The following RALGDS variants were observed in gnomAD, a reference collection of about 807,000 sequenced individuals.
RALGDS encodes ral guanine nucleotide exchange factor.
RALGDS carries 44 observed loss-of-function variants against 99.8 expected under a neutral mutation model. The ratio of observed to expected loss-of-function variants is 0.44; its 90% confidence interval spans 0.35 to 0.57. The LOEUF is 0.57. RALGDS is among the 20% of genes least tolerant of loss of function. The pLI, the probability that RALGDS is intolerant of heterozygous loss-of-function variation, is 0.01. For synonymous variants in RALGDS, 529 were observed against 505.0 expected, an observed-to-expected ratio of 1.05 and a Z score of -0.64; for missense variants, 1,022 against 1,203.1, an observed-to-expected ratio of 0.85 and a Z score of 2.23.
intron 16 of RALGDS, chr9:133,101,217 C>T (rs796206147): frequency 2.0e-5 from 25 of 1,255,720 alleles, no homozygotes; most frequent in African/African-American, 1.7e-4. Flanking sequence ...CCGAGAAAGT[C>T]GAGGTCCTGG....
At chr9:133,100,565 G>T in intron 16 of RALGDS, 183 bp from the exon 17 acceptor site, 1 of 1,467,868 alleles carries the variant, frequency 6.8e-7, no homozygotes, top group South Asian at 1.4e-5. Flanking sequence ...TGAGGCCTCC[G>T]TCCTTCTGTT....
intron 1 of RALGDS, among the ~76,000 whole-genome samples, chr9:133,142,761 T>C (rs1420160816): frequency 6.6e-6 from 1 of 152,198 alleles, no homozygotes; most frequent in Non-Finnish European, 1.5e-5. Context: ...GCTCATTAGC[T>C]CTGTTTATGT....
chr9:133,109,056 G>A (rs1028105701), intron 4 of RALGDS, among the ~76,000 whole-genome samples, 190 bp from the exon 5 acceptor site: 4 of 152,086 alleles, frequency 2.6e-5, no homozygotes, highest in Non-Finnish European at 2.9e-5. Context: ...AGGAAGCCCC[G>A]CCCACAGCTC....
intron 1 of RALGDS, among the ~76,000 whole-genome samples, chr9:133,117,209 T>C (rs972927167): frequency 6.6e-6 from 1 of 152,162 alleles, no homozygotes; most frequent in Admixed American, 6.5e-5. Context: ...TGCAGGCTGC[T>C]CCTCAGGTCT....
At position 133,138,477 on chromosome 9, in the gene RALGDS, G is replaced by T. The variant is rs534643007; in HGVS notation, c.18+10486C>A. Among the ~76,000 whole-genome samples the T allele has an allele frequency of 1.8e-3, 271 of 152,302 alleles. 1 individual carries two copies. Among genetic ancestry groups the T allele is most frequent in the Non-Finnish European group, 3.1e-3 (214 of 68,036 alleles). ...CAGGGACCCTCCAAGAGCTGTTCAGGTCTCCATGCCAGCATCATGGTGGGC... is the reference window on the plus strand; with the variant it reads ...CAGGGACCCTCCAAGAGCTGTTCAGTTCTCCATGCCAGCATCATGGTGGGC... On this transcript the variant is annotated intron_variant, in intron 1 of 17. Coordinates refer to the RALGDS transcript ENST00000393160.
chr9:133,101,164 C>T lies in RALGDS; in HGVS notation c.2454+356G>A, dbSNP rs921917755. On this transcript the variant is annotated intron_variant, in intron 16 of 17. Coordinates refer to ENST00000372050, the MANE Select transcript of RALGDS (RefSeq NM_006266.4). ...CCCCTGCGGCTCTGGTACCAGCCCA[C>T]ACCAGACAGAGAAGCCAGCCATCAT... The T allele has an allele frequency of 1.5e-5, 18 of 1,197,422 alleles. 1 individual carries two copies. Among genetic ancestry groups the T allele is most frequent in the East Asian group, 1.1e-4 (2 of 18,632 alleles). 74.2% of individuals were successfully genotyped at this position (1,197,422 alleles called of 1,614,324 possible).
Position 133,110,394 on chromosome 9 carries a change from T to TGGCACCAGGTGC in RALGDS, c.378_389dup (p.His127_Pro130dup). 6.2e-7 allele frequency: 1 copy of TGGCACCAGGTGC among 1,613,424 alleles called. No homozygotes were observed. The highest frequency in any genetic ancestry group is 8.5e-7 in the Non-Finnish European group (1 of 1,179,760). On this transcript the variant is annotated inframe_insertion, in exon 3 of 18. Coordinates refer to ENST00000372050, the MANE Select transcript of RALGDS (RefSeq NM_006266.4). ...AGGAGAGGTCGCTGCCCTGGAAGGC[T>TGGCACCAGGTGC]GGCACCAGGTGCTCCACCAGCTTCT...
chr9:133,142,145 G>A (rs563293353), intron 1 of RALGDS, among the ~76,000 whole-genome samples: 27 of 152,344 alleles, frequency 1.8e-4, no homozygotes, highest in African/African-American at 6.5e-4. Flanking sequence ...CTGGCAGAGT[G>A]GGGAGATGGG....
chr9:133,120,732 G>A (rs548441495), intron 1 of RALGDS, among the ~76,000 whole-genome samples: 1 of 152,316 alleles, frequency 6.6e-6, no homozygotes, highest in East Asian at 1.9e-4. Flanking sequence ...ACGGTATTGA[G>A]GGGCGCAAAA....
chr9:133,132,730 C>T (rs1054554905), upstream of RALGDS, among the ~76,000 whole-genome samples: 1 of 152,102 alleles, frequency 6.6e-6, no homozygotes, highest in Non-Finnish European at 1.5e-5. Flanking sequence ...ACCTCCGACT[C>T]CCGGGTTCAA....
chr9:133,103,546 C>T, intron 11 of RALGDS: 1 of 704,160 alleles, frequency 1.4e-6, no homozygotes, highest in Non-Finnish European at 2.5e-6. Context: ...CCTCTGTGCT[C>T]AGGGTCACTG....
upstream of RALGDS, among the ~76,000 whole-genome samples, chr9:133,124,958 A>T (rs929650167): frequency 2.0e-5 from 3 of 152,258 alleles, no homozygotes; most frequent in African/African-American, 7.2e-5. Flanking sequence ...TGTTCAACAC[A>T]CCACAAGGGT....
rs534926065 is a variant in RALGDS at position 133,127,421 on chromosome 9, G to A, written c.132+3531C>T. 6.2e-4 allele frequency among the ~76,000 whole-genome samples: 94 copies of A among 152,396 alleles called. 1 individual carries two copies. The highest frequency in any genetic ancestry group is 2.2e-3 in the African/African-American group (93 of 41,598). On this transcript the variant is annotated intron_variant, in intron 1 of 17. Transcript: ENST00000372062. ...CCTGGTGGAAAACCTGTCACCTCCT[G>A]TTGGGCAGGTGGAGGTCACTGACCC...
intron 7 of RALGDS, 122 bp downstream of exon 7, chr9:133,106,963 A>C (rs889119806): frequency 9.0e-7 from 1 of 1,111,882 alleles, no homozygotes; most frequent in Non-Finnish European, 1.3e-6. Context: ...GGGCTGGGAG[A>C]GTCAAGGCCA....
upstream of RALGDS, among the ~76,000 whole-genome samples, chr9:133,125,156 T>A (rs1302543628): frequency 1.3e-5 from 2 of 152,226 alleles, no homozygotes; most frequent in Non-Finnish European, 2.9e-5. Flanking sequence ...AAAACAACTA[T>A]AAGACATGTG....
At chr9:133,112,578 G>A (rs750955243) in intron 1 of RALGDS, among the ~76,000 whole-genome samples, 6 of 152,142 alleles carry the variant, frequency 3.9e-5, no homozygotes, top group Non-Finnish European at 7.4e-5. Context: ...GCTCTGACAC[G>A]GCTGACTGCA....
chr9:133,118,579 A>C (rs1481467946), intron 1 of RALGDS, among the ~76,000 whole-genome samples: 1 of 152,164 alleles, frequency 6.6e-6, no homozygotes, highest in African/African-American at 2.4e-5. Context: ...ACCTCCCCAA[A>C]ACCTGCTGGC....
chr9:133,129,207 C>A (rs773193558), intron 1 of RALGDS: 4 of 1,597,204 alleles, frequency 2.5e-6, no homozygotes, highest in Non-Finnish European at 3.4e-6. Flanking sequence ...GCACGACGGG[C>A]GACGGCCCTT....
At chr9:133,111,830 G>A (rs1314461812) in intron 2 of RALGDS, among the ~76,000 whole-genome samples, 1 of 152,214 alleles carries the variant, frequency 6.6e-6, no homozygotes, top group East Asian at 1.9e-4. Flanking sequence ...GCACATCTGG[G>A]AGAAGGCATG....
Sources: gnomAD v4.1 joint callset for allele counts (sites outside exome capture counted in the v4.1 genomes callset) on GRCh38, gnomAD v4.1.1 for gene constraint, MANE v1.5 for transcripts, NCBI Gene and HGNC (gene_info 2026-07-23, HGNC 2026-07-21) for gene names.